EPB41L4B: variants seen among roughly 807,000 people sequenced by gnomAD.
The protein encoded by EPB41L4B is band 4.1-like protein 4B.
A neutral mutation model predicts 112.5 loss-of-function variants in EPB41L4B; 30 were observed. That is an observed-to-expected ratio of 0.27 (90% CI 0.20 to 0.36). The LOEUF (loss-of-function observed/expected upper bound fraction) is 0.36. Ranked by LOEUF, EPB41L4B falls within the 10% of genes least tolerant of loss-of-function variation. The pLI, the probability that EPB41L4B is intolerant of heterozygous loss-of-function variation, is 1.00. For synonymous variants in EPB41L4B, 408 were observed against 439.7 expected (o/e 0.93, Z 0.90); for missense variants, 1,024 against 1,133.3 (o/e 0.90, Z 1.38).
intron 1 of EPB41L4B, among the ~76,000 whole-genome samples, chr9:109,308,357 T>C (rs1410640005): frequency 6.6e-6 from 1 of 152,086 alleles, no homozygotes. Context: ...TAACTGTACC[T>C]CAGGGGTGAC....
chr9:109,311,507 G>A (rs1837413243), intron 1 of EPB41L4B, among the ~76,000 whole-genome samples: 1 of 152,194 alleles, frequency 6.6e-6, no homozygotes, highest in African/African-American at 2.4e-5. Context: ...GATCCCACAG[G>A]TGGGACAGGA....
chr9:109,256,011 A>T, intron 9 of EPB41L4B, 125 bp downstream of exon 9: 3 of 1,130,260 alleles, frequency 2.7e-6, no homozygotes, highest in Non-Finnish European at 3.9e-6. Context: ...GACCCACAAC[A>T]GCAGCACCGT....
intron 15 of EPB41L4B, chr9:109,241,796 C>T: frequency 6.2e-7 from 1 of 1,614,124 alleles, no homozygotes; most frequent in Non-Finnish European, 8.5e-7. Context: ...GACCTGTCAT[C>T]CTGAAAGGAT....
chr9:109,225,142 C>T (rs769341305), intron 15 of EPB41L4B, among the ~76,000 whole-genome samples: 3 of 152,188 alleles, frequency 2.0e-5, no homozygotes, highest in Non-Finnish European at 2.9e-5. Flanking sequence ...CACATGTTTT[C>T]GTGTCCTCCA....
At chr9:109,293,818 C>A (rs1231258950) in intron 1 of EPB41L4B, among the ~76,000 whole-genome samples, 1 of 151,816 alleles carries the variant, frequency 6.6e-6, no homozygotes. Context: ...GCTACATCAC[C>A]AACTCCATAT....
chr9:109,279,623 C>T (rs1012909030), intron 2 of EPB41L4B, among the ~76,000 whole-genome samples, 194 bp downstream of exon 2: 4 of 152,204 alleles, frequency 2.6e-5, no homozygotes, highest in Non-Finnish European at 5.9e-5. Context: ...TTACTGGCCA[C>T]CTCAAGGGTG....
At chr9:109,182,643 G>T (rs1263648122) in intron 24 of EPB41L4B, 86 bp downstream of exon 24, 1 of 965,176 alleles carries the variant, frequency 1.0e-6, no homozygotes, top group Non-Finnish European at 1.7e-6. Flanking sequence ...AGAAGCGGTT[G>T]ACCTTGCTGT....
rs370225072 is a variant in EPB41L4B, at chr9:109,222,666, T to G, written c.1410-5521A>C. ...GGAAAGGAGGTCCCACATCCTGGTTTTCAGGGTGGGTGACAGAGGACAGAT... is the reference window on the plus strand; with the variant it reads ...GGAAAGGAGGTCCCACATCCTGGTTGTCAGGGTGGGTGACAGAGGACAGAT... On this transcript the variant is annotated intron_variant, in intron 15 of 25. Coordinates refer to ENST00000374566, the MANE Select transcript of EPB41L4B (RefSeq NM_019114.5). Among the ~76,000 whole-genome samples the G allele has an allele frequency of 2.6e-5, 4 of 152,288 alleles. No individual in the cohort carries two copies. In the East Asian group the frequency reaches 5.8e-4, roughly 22 times the overall value.
intron 23 of EPB41L4B, among the ~76,000 whole-genome samples, chr9:109,184,574 A>G (rs796412361): frequency 1.1e-4 from 17 of 152,354 alleles, no homozygotes; most frequent in African/African-American, 3.8e-4. Flanking sequence ...ATCTCAAAGA[A>G]TTATTTTATA....
chr9:109,268,446 A>G lies in EPB41L4B; in HGVS notation c.412-13T>C, dbSNP rs1325794855. ...GATCCAGCCAGTGCTGAAAGAAAGA[A>G]AAAAAGTTTCTTTAGGAATAGTTCA... On this transcript the variant is annotated splice_polypyrimidine_tract_variant and intron_variant, in intron 2 of 25. Coordinates refer to ENST00000374566, the MANE Select transcript of EPB41L4B (RefSeq NM_019114.5). 4 of 1,606,030 alleles carry G rather than the reference A, an allele frequency of 2.5e-6. No homozygotes were observed. In the South Asian group the frequency reaches 4.5e-5, roughly 18 times the overall value.
At chr9:109,295,668 G>A (rs1390538667) in intron 1 of EPB41L4B, among the ~76,000 whole-genome samples, 1 of 152,038 alleles carries the variant, frequency 6.6e-6, no homozygotes, top group Non-Finnish European at 1.5e-5. Context: ...CTATGTTCAG[G>A]CGACTGTATT....
Position 109,264,965 on chromosome 9 carries a change from C to CA in EPB41L4B, c.578+14dup. On this transcript the variant is annotated intron_variant, in intron 5 of 25. Coordinates refer to ENST00000374566, the MANE Select transcript of EPB41L4B (RefSeq NM_019114.5). ...ATCTATCCTGGGTTAAGAGTTAGAACAAAAACATACTTACTTTCCAGAAAG... is the reference window on the plus strand; with the variant it reads ...ATCTATCCTGGGTTAAGAGTTAGAACAAAAAACATACTTACTTTCCAGAAAG... The CA allele has an allele frequency of 1.9e-6, 3 of 1,599,882 alleles. No homozygotes were observed. Among genetic ancestry groups the CA allele is most frequent in the Non-Finnish European group, 2.6e-6 (3 of 1,175,238 alleles).
At chr9:109,297,121 A>G (rs1836760333) in intron 1 of EPB41L4B, among the ~76,000 whole-genome samples, 1 of 148,910 alleles carries the variant, frequency 6.7e-6, no homozygotes, top group Admixed American at 6.7e-5. Flanking sequence ...AAAAGAAGAG[A>G]TCGGGACACA....
chr9:109,288,435 C>A (rs1836382480), intron 1 of EPB41L4B, among the ~76,000 whole-genome samples: 1 of 151,916 alleles, frequency 6.6e-6, no homozygotes, highest in Non-Finnish European at 1.5e-5. Flanking sequence ...ATAAAAAAAA[C>A]TAGGGCTAGG....
chr9:109,250,707 C>A (rs1027648813), intron 13 of EPB41L4B, among the ~76,000 whole-genome samples: 62 of 152,054 alleles, frequency 4.1e-4, no homozygotes, highest in Admixed American at 4.1e-3. Context: ...GGTGTGGCTG[C>A]GGAGGATGTT....
At position 109,211,904 on chromosome 9, in the gene EPB41L4B, T is replaced by TGGG. The variant is rs10683465; in HGVS notation, c.1752+1793_1752+1795dup. The stretch of plus-strand genomic sequence containing the variant: ...CTAATTTTTGTACTTATAGTAGAGA[T>TGGG]GGGGGGGGTCTCGCCATGTTGCCCA... On this transcript the variant is annotated intron_variant, in intron 17 of 25. Coordinates refer to ENST00000374566, the MANE Select transcript of EPB41L4B (RefSeq NM_019114.5). Among the ~76,000 whole-genome samples the TGGG allele has an allele frequency of 3.9e-3, 574 of 148,536 alleles. 2 individuals are homozygous for TGGG. Among genetic ancestry groups the TGGG allele is most frequent in the Middle Eastern group, 0.014 (4 of 288 alleles).
At chr9:109,204,122 G>C (rs1376373734) in intron 18 of EPB41L4B, among the ~76,000 whole-genome samples, 1 of 152,180 alleles carries the variant, frequency 6.6e-6, no homozygotes, top group African/African-American at 2.4e-5. Flanking sequence ...AGTTTACAAA[G>C]GAATTTGGAA....
chr9:109,302,718 G>A (rs1030345454), intron 1 of EPB41L4B, among the ~76,000 whole-genome samples: 1 of 152,030 alleles, frequency 6.6e-6, no homozygotes, highest in Non-Finnish European at 1.5e-5. Context: ...GGCCAACTTC[G>A]GTCCTATGAC....
At chr9:109,276,137 A>T (rs1835809789) in intron 2 of EPB41L4B, among the ~76,000 whole-genome samples, 1 of 148,272 alleles carries the variant, frequency 6.7e-6, no homozygotes, top group Non-Finnish European at 1.5e-5. Flanking sequence ...TATATACATA[A>T]TATATACGTG....
Sources: allele counts gnomAD v4.1 joint callset (sites outside exome capture counted in the v4.1 genomes callset), GRCh38; gene constraint gnomAD v4.1.1; transcripts MANE v1.5; gene names NCBI Gene and HGNC (gene_info 2026-07-23, HGNC 2026-07-21).